The following TLN2 variants were observed in gnomAD, a reference collection of about 807,000 sequenced individuals.
TLN2 encodes the protein talin 2, also known as talin-2.
A neutral mutation model predicts 294.7 loss-of-function variants in TLN2; 118 were observed. That is an observed-to-expected ratio of 0.40 (90% CI 0.34 to 0.47). The LOEUF (loss-of-function observed/expected upper bound fraction) is 0.47. TLN2 is among the 20% of genes least tolerant of loss of function. The probability of loss-of-function intolerance (pLI) is 0.84; values close to 1 mark genes in which losing one functional copy is unlikely to be tolerated. For missense variants in TLN2, 3,083 were observed against 3,282.2 expected (o/e 0.94, Z 1.48); for synonymous variants, 1,431 against 1,304.5 (o/e 1.10, Z -2.09).
At chr15:62,681,944 C>T (rs1027824491) in intron 11 of TLN2, among the ~76,000 whole-genome samples, 9 of 152,202 alleles carry the variant, frequency 5.9e-5, no homozygotes, top group African/African-American at 2.2e-4. Context: ...TTCTTAGAGA[C>T]GGGTCTCCTT....
chr15:62,592,267 T>C (rs1156928784), intron 2 of TLN2, among the ~76,000 whole-genome samples: 5 of 152,202 alleles, frequency 3.3e-5, no homozygotes, highest in Non-Finnish European at 5.9e-5. Flanking sequence ...GATTGGAATA[T>C]GGTGATTCAG....
intron 35 of TLN2, 131 bp from the exon 36 acceptor site, chr15:62,753,642 G>C: frequency 9.1e-7 from 1 of 1,100,676 alleles, no homozygotes; most frequent in South Asian, 2.0e-5. Flanking sequence ...AGCGGGATGA[G>C]ATGACCTTGA....
At chr15:62,717,512 G>C in intron 23 of TLN2, 64 bp from the exon 24 acceptor site, 1 of 1,146,852 alleles carries the variant, frequency 8.7e-7, no homozygotes, top group Non-Finnish European at 1.2e-6. Context: ...TGGTGGAAGT[G>C]ACCTGTAGAA....
rs534484631 is a variant in TLN2 at position 62,540,387 on chromosome 15, G to A, written c.-237-49300G>A. Among the ~76,000 whole-genome samples, 23 of 146,698 alleles carry A rather than the reference G, an allele frequency of 1.6e-4. No homozygotes were observed. In the East Asian group the frequency reaches 3.7e-3, roughly 24 times the overall value. On this transcript the variant is annotated intron_variant, in intron 1 of 58. Coordinates refer to ENST00000636159, the MANE Select transcript of TLN2 (RefSeq NM_015059.3). ...TTTTTTTTTTTTTACATGAGTAAGC[G>A]TCTTGGCCTTCAAAGAGTGCTCTGT...
chr15:62,448,996 A>C (rs967701128), intron 1 of TLN2, among the ~76,000 whole-genome samples: 6 of 152,154 alleles, frequency 3.9e-5, no homozygotes, highest in Admixed American at 1.3e-4. Context: ...GTGGTGTCTC[A>C]GCTTTGCAGT....
intron 45 of TLN2, among the ~76,000 whole-genome samples, chr15:62,790,363 T>C (rs988716968): frequency 6.6e-6 from 1 of 152,162 alleles, no homozygotes; most frequent in African/African-American, 2.4e-5. Context: ...TGCTGCTAAG[T>C]CGAAAAATCA....
rs1273620699 is a variant in TLN2, at chr15:62,414,164, C to CAATATATATA, written c.-238+23479_-238+23480insAATATATATA. ...AGTGAAGTGTTAGCAAAAAAAAAAA[C>CAATATATATA]TATATATATATATATATATATATAT... On this transcript the variant is annotated intron_variant, in intron 1 of 58. Coordinates refer to ENST00000636159, the MANE Select transcript of TLN2 (RefSeq NM_015059.3). 4.7e-3 allele frequency among the ~76,000 whole-genome samples: 428 copies of CAATATATATA among 90,614 alleles called. 36 individuals carry two copies. Among genetic ancestry groups the CAATATATATA allele is most frequent in the African/African-American group, 0.01 (274 of 26,474 alleles). 59.4% of individuals were successfully genotyped at this position (90,614 alleles called of 152,430 possible).
intron 1 of TLN2, among the ~76,000 whole-genome samples, chr15:62,508,593 T>A (rs2039760857): frequency 6.6e-6 from 1 of 152,216 alleles, no homozygotes; most frequent in South Asian, 2.1e-4. Flanking sequence ...ATGACCAAAT[T>A]TTCTATCAAG....
At chr15:62,620,373 C>T (rs35397688) in intron 3 of TLN2, among the ~76,000 whole-genome samples, 29,950 of 151,990 alleles carry the variant, frequency 0.2, 3,933 homozygotes, top group East Asian at 0.53. Flanking sequence ...AGAAGTTTTC[C>T]GTGAAAAACT....
intron 2 of TLN2, among the ~76,000 whole-genome samples, chr15:62,599,017 C>T (rs2046779155): frequency 1.3e-5 from 2 of 152,168 alleles, no homozygotes; most frequent in African/African-American, 4.8e-5. Context: ...TGGAATAGCA[C>T]ATTGAGGATG....
At chr15:62,461,012 A>G (rs1224720366) in intron 1 of TLN2, among the ~76,000 whole-genome samples, 3 of 151,988 alleles carry the variant, frequency 2.0e-5, no homozygotes, top group Non-Finnish European at 2.9e-5. Context: ...ACAGTGGCGC[A>G]ATCTCAGCTC....
At chr15:62,445,110 C>T (rs937322477) in intron 1 of TLN2, among the ~76,000 whole-genome samples, 1 of 152,112 alleles carries the variant, frequency 6.6e-6, no homozygotes, top group African/African-American at 2.4e-5. Flanking sequence ...GTCAGGGAGG[C>T]CTTACTGGCA....
chr15:62,610,000 A>C (rs764041047), intron 2 of TLN2, among the ~76,000 whole-genome samples: 1 of 152,174 alleles, frequency 6.6e-6, no homozygotes, highest in Non-Finnish European at 1.5e-5. Flanking sequence ...TCTTTGAACA[A>C]TTCTTTACTT....
chr15:62,777,344 C>T (rs1224106553), intron 43 of TLN2, among the ~76,000 whole-genome samples: 1 of 152,084 alleles, frequency 6.6e-6, no homozygotes, highest in Admixed American at 6.5e-5. Context: ...CGAGACCAGC[C>T]TGACCAACAT....
At chr15:62,665,717 A>T (rs1452827173) in intron 9 of TLN2, among the ~76,000 whole-genome samples, 1 of 152,154 alleles carries the variant, frequency 6.6e-6, no homozygotes, top group African/African-American at 2.4e-5. Flanking sequence ...AGATAATTCT[A>T]CTGTCAACAA....
chr15:62,544,260 C>T (rs2041863779), intron 1 of TLN2, among the ~76,000 whole-genome samples: 1 of 152,116 alleles, frequency 6.6e-6, no homozygotes, highest in Non-Finnish European at 1.5e-5. Flanking sequence ...CCTGGTTGGT[C>T]CAAGCCCAGT....
Position 62,716,320 on chromosome 15 carries a change from T to G in TLN2, c.2635-11T>G, listed in dbSNP as rs757787579. On this transcript the variant is annotated splice_polypyrimidine_tract_variant and intron_variant, in intron 22 of 58. Coordinates refer to ENST00000636159, the MANE Select transcript of TLN2 (RefSeq NM_015059.3). ...CTGGACCACTTGAAATCTTTATTTT[T>G]GCCTTTGCAGGGGGCTGCAGCCAAC... The G allele has an allele frequency of 1.9e-6, 3 of 1,577,718 alleles. No individual in the cohort carries two copies. Among genetic ancestry groups the G allele is most frequent in the Non-Finnish European group, 2.6e-6 (3 of 1,167,252 alleles).
At chr15:62,555,718 G>T (rs1037615675) in intron 1 of TLN2, among the ~76,000 whole-genome samples, 1 of 151,976 alleles carries the variant, frequency 6.6e-6, no homozygotes, top group African/African-American at 2.4e-5. Flanking sequence ...TACTTTTCCC[G>T]GTATAATGTG....
chr15:62,723,756 C>G lies in TLN2; in HGVS notation c.3127-1220C>G, dbSNP rs978625097. On this transcript the variant is annotated intron_variant, in intron 26 of 58. Transcript: ENST00000636159. ...TTAGAGATGAGATTTCATCATCTTG[C>G]CCAGGCTGGTCTTGAACTCCTGAGC... Among the ~76,000 whole-genome samples the G allele has an allele frequency of 8.6e-5, 13 of 151,772 alleles. 1 individual carries two copies. In the East Asian group the frequency reaches 2.6e-3, roughly 30 times the overall value.
Sources: gnomAD v4.1 joint callset for allele counts (sites outside exome capture counted in the v4.1 genomes callset) on GRCh38, gnomAD v4.1.1 for gene constraint, MANE v1.5 for transcripts, NCBI Gene and HGNC (gene_info 2026-07-23, HGNC 2026-07-21) for gene names.